The following ZNF133 variants were observed in gnomAD, a reference collection of about 807,000 sequenced individuals.
ZNF133 encodes zinc finger protein 133.
In ZNF133, 26 loss-of-function variants were observed where a neutral mutation model predicts 54.9. The observed-to-expected ratio is 0.47, with a 90% CI of 0.35 to 0.66. The LOEUF is 0.66. Ranked by LOEUF, ZNF133 falls within the 30% of genes least tolerant of loss-of-function variation. The pLI, the probability that ZNF133 is intolerant of heterozygous loss-of-function variation, is 0.01. For missense variants in ZNF133, 653 were observed against 820.8 expected, an observed-to-expected ratio of 0.80 and a Z score of 2.50; for synonymous variants, 298 against 320.3, an observed-to-expected ratio of 0.93 and a Z score of 0.74.
chr20:18,310,361 G>A, intron 6 of ZNF133: 1 of 1,493,212 alleles, frequency 6.7e-7, no homozygotes, highest in South Asian at 1.3e-5. Context: ...TTGGATTTAA[G>A]ACAGGCAATA....
intron 1 of ZNF133, 25 bp from the exon 2 acceptor site, chr20:18,297,960 T>TC: frequency 6.8e-7 from 1 of 1,460,870 alleles, no homozygotes; most frequent in South Asian, 1.2e-5. Flanking sequence ...CCTGACACCC[T>TC]CCCATTTCTG....
At position 18,316,433 on chromosome 20, in the gene ZNF133, G is replaced by A. The variant is rs757562188; in HGVS notation, c.1582G>A (p.Gly528Arg). The A allele has an allele frequency of 5.0e-6, 8 of 1,614,066 alleles. No homozygotes were observed. Among genetic ancestry groups the A allele is most frequent in the Admixed American group, 3.3e-5 (2 of 60,008 alleles). Residue 528 changes from glycine to arginine, a missense_variant, in exon 7 of 7, where the codon GGG (glycine) becomes AGG (arginine). Gly to Arg is a moderately radical substitution (Grantham distance 125, BLOSUM62 -2). Transcript: ENST00000425686. ...GAGGCCGTATGTGTGCCGAGAGTGC[G>A]GGCGAGGCTTTAGCCACCAGGCCGG... Reference protein sequence around the residue: ...GERPYVCRECGRGFSHQAGLI... With the variant: ...GERPYVCRECRRGFSHQAGLI...
intron 1 of ZNF133, among the ~76,000 whole-genome samples, chr20:18,290,945 G>A (rs2040834159): frequency 6.6e-6 from 1 of 152,174 alleles, no homozygotes; most frequent in African/African-American, 2.4e-5. Context: ...TGGCCAACAT[G>A]GTGAAACCCC....
chr20:18,295,405 G>A (rs1444948709), intron 1 of ZNF133: 1 of 152,386 alleles, frequency 6.6e-6, no homozygotes, highest in Admixed American at 6.5e-5. Flanking sequence ...ATCAACACTG[G>A]TGATCAATGT....
chr20:18,310,814 T>C (rs2045728804), intron 6 of ZNF133, among the ~76,000 whole-genome samples: 1 of 152,212 alleles, frequency 6.6e-6, no homozygotes, highest in Non-Finnish European at 1.5e-5. Flanking sequence ...GTTAATTAGC[T>C]CAATTTAGCC....
chr20:18,311,352 G>A lies in ZNF133; in HGVS notation c.218-3717G>A, dbSNP rs2045898896. 3.3e-5 allele frequency among the ~76,000 whole-genome samples: 5 copies of A among 152,098 alleles called. 2 individuals are homozygous for A. The South Asian group carries it at 1.0e-3, about 32-fold the overall frequency. On this transcript the variant is annotated intron_variant, in intron 6 of 6. Coordinates refer to ENST00000425686, the MANE Select transcript of ZNF133 (RefSeq NM_001352452.2). Reference sequence around the variant, plus strand: ...TTAAAAAATAAAGAATGAGAAATTGGATATCTGGTGAGGTAAAAATAGAGC... The same window carrying A: ...TTAAAAAATAAAGAATGAGAAATTGAATATCTGGTGAGGTAAAAATAGAGC...
intron 6 of ZNF133, chr20:18,313,023 A>G (rs1461672751): frequency 6.7e-6 from 1 of 149,808 alleles, no homozygotes; most frequent in East Asian, 1.9e-4. Flanking sequence ...TTTTTTTTTA[A>G]TTTAGTTATT....
At chr20:18,296,824 A>T (rs6045316) in intron 1 of ZNF133, among the ~76,000 whole-genome samples, 1 of 152,278 alleles carries the variant, frequency 6.6e-6, no homozygotes, top group South Asian at 2.1e-4. Context: ...TGTATTTTAA[A>T]TTTTTTGAGA....
At position 18,316,044 on chromosome 20, in the gene ZNF133, T is replaced by A; in HGVS notation, c.1193T>A (p.Val398Asp). The change falls in exon 7 of 7, where the codon GTC becomes GAC. Residue 398 changes from valine (V) to aspartate (D), a missense_variant. Val to Asp is a radical substitution (Grantham distance 152). Coordinates refer to ENST00000425686, the MANE Select transcript of ZNF133 (RefSeq NM_001352452.2). ...TGCTTCAGGCAGAGGACCACCCTTG[T>A]CAACCACCAGAGGACACACTCAAAG... ...GRCFRQRTTLVNHQRTHSKEK... is the reference protein window; with the variant it reads ...GRCFRQRTTLDNHQRTHSKEK... 1.2e-6 allele frequency: 2 copies of A among 1,613,398 alleles called. No homozygotes were observed. The highest frequency in any genetic ancestry group is 1.7e-6 in the Non-Finnish European group (2 of 1,179,848).
intron 3 of ZNF133, among the ~76,000 whole-genome samples, chr20:18,299,852 C>A (rs573144160): frequency 1.3e-3 from 196 of 152,290 alleles, no homozygotes; most frequent in Non-Finnish European, 2.3e-3. Flanking sequence ...CTGTATCTGG[C>A]AAAACTGCCC....
chr20:18,309,658 G>C (rs541341697), intron 6 of ZNF133, among the ~76,000 whole-genome samples: 2 of 152,326 alleles, frequency 1.3e-5, no homozygotes, highest in South Asian at 4.1e-4. Context: ...GTGCTGACAG[G>C]TATTGGTGTG....
chr20:18,294,880 C>T (rs1323760462), intron 1 of ZNF133, among the ~76,000 whole-genome samples: 2 of 152,202 alleles, frequency 1.3e-5, no homozygotes, highest in South Asian at 2.1e-4. Flanking sequence ...CATTTTAATT[C>T]GAATTTTGCT....
At chr20:18,304,131 G>A (rs577005184) in intron 3 of ZNF133, among the ~76,000 whole-genome samples, 1 of 152,168 alleles carries the variant, frequency 6.6e-6, no homozygotes, top group Admixed American at 6.5e-5. Flanking sequence ...ATATACATGT[G>A]GCCAATAAGC....
intron 6 of ZNF133, among the ~76,000 whole-genome samples, chr20:18,307,618 TG>T (rs1846407454): frequency 6.6e-6 from 1 of 152,246 alleles, no homozygotes; most frequent in East Asian, 1.9e-4. Flanking sequence ...TGTCCCCTTT[TG>T]GGACTATAGG....
chr20:18,306,363 GA>G lies in ZNF133; in HGVS notation c.195del (p.Lys65AsnfsTer122), dbSNP rs753775995. The G allele has an allele frequency of 3.7e-6, 6 of 1,613,112 alleles. No individual in the cohort carries two copies. Among genetic ancestry groups the G allele is most frequent in the African/African-American group, 1.3e-5 (1 of 74,926 alleles). Reference sequence around the variant, plus strand: ...GCAAGGGAAAGAGACCTGGAGAGAGGAAAAAAAATGTTCACCGGCAACCTGT... The same window carrying G: ...GCAAGGGAAAGAGACCTGGAGAGAGGAAAAAAATGTTCACCGGCAACCTGT... ...LEQGKETWREEKKCSPATCPA... is the reference protein window; with the variant it reads ...LEQGKETWREXKKCSPATCPA... On this transcript the variant is annotated frameshift_variant, in exon 6 of 7. Transcript: ENST00000425686. LOFTEE classifies it high-confidence loss of function.
At chr20:18,307,117 G>GTTAA (rs1568773921) in intron 6 of ZNF133, among the ~76,000 whole-genome samples, 1 of 151,888 alleles carries the variant, frequency 6.6e-6, no homozygotes, top group African/African-American at 2.4e-5. Context: ...TTATTACAAT[G>GTTAA]TTAAAATGTT....
At chr20:18,312,533 T>C (rs533737963) in intron 6 of ZNF133, 1 of 152,334 alleles carries the variant, frequency 6.6e-6, no homozygotes, top group Non-Finnish European at 1.5e-5. Context: ...GTTTACATAT[T>C]GTAGTAAATA....
intron 2 of ZNF133, 26 bp from the exon 3 acceptor site, chr20:18,298,263 G>C: frequency 7.1e-7 from 1 of 1,400,826 alleles, no homozygotes; most frequent in Non-Finnish European, 9.3e-7. Context: ...TACAGTATGA[G>C]ATAGAGTCTG....
At chr20:18,303,218 G>T (rs1840957408) in intron 3 of ZNF133, among the ~76,000 whole-genome samples, 1 of 151,878 alleles carries the variant, frequency 6.6e-6, no homozygotes, top group Admixed American at 6.6e-5. Flanking sequence ...GCTAATTTTT[G>T]TATTTTTTAA....
Sources: allele counts gnomAD v4.1 joint callset (sites outside exome capture counted in the v4.1 genomes callset), GRCh38; gene constraint gnomAD v4.1.1; transcripts MANE v1.5; gene names NCBI Gene and HGNC (gene_info 2026-07-23, HGNC 2026-07-21).